JAZF1: variants seen among roughly 807,000 people sequenced by gnomAD.
JAZF1 encodes juxtaposed with another zinc finger protein 1.
JAZF1 carries 8 observed loss-of-function variants against 26.4 expected under a neutral mutation model. That is an observed-to-expected ratio of 0.30 (90% CI 0.18 to 0.55). JAZF1 has a LOEUF of 0.55. Ranked by LOEUF, JAZF1 falls within the 20% of genes least tolerant of loss-of-function variation. JAZF1 has a pLI of 0.94. For synonymous variants in JAZF1, 126 were observed against 122.3 expected, an observed-to-expected ratio of 1.03 and a Z score of -0.20; for missense variants, 199 against 322.0, an observed-to-expected ratio of 0.62 and a Z score of 2.92.
intron 1 of JAZF1, among the ~76,000 whole-genome samples, chr7:28,167,848 T>C (rs1562610158): frequency 2.0e-5 from 3 of 152,208 alleles, no homozygotes; most frequent in Admixed American, 6.5e-5. Context: ...TAAAGAACAA[T>C]GGAAATTTTG....
chr7:28,163,018 A>C (rs1783316004), intron 1 of JAZF1, among the ~76,000 whole-genome samples: 1 of 152,224 alleles, frequency 6.6e-6, no homozygotes. Flanking sequence ...TGTCTTCTGG[A>C]GGCCCACAAT....
chr7:27,895,605 T>C (rs1038862595), intron 2 of JAZF1, among the ~76,000 whole-genome samples, 189 bp from the exon 3 acceptor site: 23 of 152,198 alleles, frequency 1.5e-4, no homozygotes, highest in African/African-American at 4.8e-4. Flanking sequence ...TTGTTATTTT[T>C]AAGGTTTCTC....
At chr7:28,016,039 T>G (rs1749690808) in intron 1 of JAZF1, among the ~76,000 whole-genome samples, 1 of 152,220 alleles carries the variant, frequency 6.6e-6, no homozygotes. Context: ...AGTGACGGCA[T>G]TTTAATGAGG....
intron 1 of JAZF1, among the ~76,000 whole-genome samples, chr7:28,168,427 A>C (rs935258531): frequency 2.0e-5 from 3 of 151,640 alleles, no homozygotes; most frequent in African/African-American, 7.3e-5. Context: ...TAAAAATCTT[A>C]ATTCCTAGCT....
chr7:28,019,880 A>G (rs926000363), intron 1 of JAZF1, among the ~76,000 whole-genome samples: 1 of 152,152 alleles, frequency 6.6e-6, no homozygotes, highest in Admixed American at 6.5e-5. Flanking sequence ...TTTCCAGGCT[A>G]TGCCACTAGT....
intron 2 of JAZF1, among the ~76,000 whole-genome samples, chr7:27,924,904 T>G (rs2128348745): frequency 6.6e-6 from 1 of 152,350 alleles, no homozygotes; most frequent in East Asian, 1.9e-4. Context: ...CAACATGACA[T>G]CCATCGTGAA....
At chr7:28,083,047 G>A (rs1289926549) in intron 1 of JAZF1, among the ~76,000 whole-genome samples, 1 of 152,176 alleles carries the variant, frequency 6.6e-6, no homozygotes, top group Admixed American at 6.5e-5. Context: ...TGCTTCTGCT[G>A]TACTCGTGGA....
intron 2 of JAZF1, among the ~76,000 whole-genome samples, chr7:27,939,329 G>A (rs897902801): frequency 6.6e-6 from 1 of 152,230 alleles, no homozygotes; most frequent in African/African-American, 2.4e-5. Context: ...AATCACAGCT[G>A]GGGGTGGGAA....
chr7:27,908,293 G>A (rs1784297887), intron 2 of JAZF1, among the ~76,000 whole-genome samples: 1 of 152,170 alleles, frequency 6.6e-6, no homozygotes, highest in South Asian at 2.1e-4. Context: ...AGAGTTTACA[G>A]CACTTTTTCT....
rs113966360 is a variant in JAZF1 at position 28,127,907 on chromosome 7, G to A, written c.115+52556C>T. ...TATGGCGGGTGTTCTCATGATTCATGAGAAGTGCCCTCATGATTCAATCAT... is the reference window on the plus strand; with the variant it reads ...TATGGCGGGTGTTCTCATGATTCATAAGAAGTGCCCTCATGATTCAATCAT... On this transcript the variant is annotated intron_variant, in intron 1 of 4. Coordinates refer to ENST00000283928, the MANE Select transcript of JAZF1 (RefSeq NM_175061.4). Among the ~76,000 whole-genome samples, 37 of 152,142 alleles carry A rather than the reference G, an allele frequency of 2.4e-4. 1 individual carries two copies. Among genetic ancestry groups the A allele is most frequent in the African/African-American group, 8.7e-4 (36 of 41,494 alleles).
chr7:28,097,328 G>A (rs1168154116), intron 1 of JAZF1, among the ~76,000 whole-genome samples: 3 of 152,078 alleles, frequency 2.0e-5, no homozygotes, highest in Non-Finnish European at 2.9e-5. Flanking sequence ...TAATTTGCCA[G>A]AATGTTGCTG....
chr7:28,168,795 T>C lies in JAZF1; in HGVS notation c.115+11668A>G, dbSNP rs1413082786. On this transcript the variant is annotated intron_variant, in intron 1 of 4. Coordinates refer to ENST00000283928, the MANE Select transcript of JAZF1 (RefSeq NM_175061.4). ...GAAACCCAAAATGGACACACACCTT[T>C]AAAAGTTTGATTCCTTTTTGAAACA... Among the ~76,000 whole-genome samples, 4 of 152,250 alleles carry C rather than the reference T, an allele frequency of 2.6e-5. No individual in the cohort carries two copies. In the East Asian group the frequency reaches 7.7e-4, roughly 29 times the overall value.
chr7:27,839,108 G>A (rs566606280), intron 4 of JAZF1, among the ~76,000 whole-genome samples: 6 of 152,370 alleles, frequency 3.9e-5, no homozygotes, highest in Non-Finnish European at 8.8e-5. Context: ...TGGAGCTGGA[G>A]GTGGGAGAGA....
intron 2 of JAZF1, among the ~76,000 whole-genome samples, chr7:27,958,913 T>C (rs1457276207): frequency 1.3e-5 from 2 of 152,102 alleles, no homozygotes; most frequent in Non-Finnish European, 2.9e-5. Context: ...ATTAGAGTAG[T>C]ACTAATAGCG....
chr7:27,977,188 T>C (rs1785487704), intron 2 of JAZF1, among the ~76,000 whole-genome samples: 1 of 152,260 alleles, frequency 6.6e-6, no homozygotes, highest in Admixed American at 6.5e-5. Context: ...TTTCATTATA[T>C]ATTAGACATT....
intron 1 of JAZF1, among the ~76,000 whole-genome samples, chr7:28,118,794 C>CACACA (rs1784791636): frequency 7.0e-6 from 1 of 142,806 alleles, no homozygotes; most frequent in African/African-American, 2.7e-5. Context: ...ACACACACAA[C>CACACA]ACACACACAC....
At chr7:28,057,392 A>C (rs563527944) in intron 1 of JAZF1, among the ~76,000 whole-genome samples, 1 of 152,340 alleles carries the variant, frequency 6.6e-6, no homozygotes, top group Admixed American at 6.5e-5. Context: ...GTTAAGAGTG[A>C]TAATAGCTAA....
intron 1 of JAZF1, among the ~76,000 whole-genome samples, chr7:28,050,257 A>G (rs979303055): frequency 1.3e-5 from 2 of 152,206 alleles, no homozygotes; most frequent in Admixed American, 1.3e-4. Context: ...AGAAACCAAT[A>G]TATTTCTATT....
chr7:28,137,784 A>G (rs547604170), intron 1 of JAZF1, among the ~76,000 whole-genome samples: 13 of 152,300 alleles, frequency 8.5e-5, no homozygotes, highest in East Asian at 5.8e-4. Context: ...TGAGAGCCCA[A>G]AGGAATTCCA....
Sources: gnomAD v4.1 joint callset for allele counts (sites outside exome capture counted in the v4.1 genomes callset) on GRCh38, gnomAD v4.1.1 for gene constraint, MANE v1.5 for transcripts, NCBI Gene and HGNC (gene_info 2026-07-23, HGNC 2026-07-21) for gene names.